PRR14L: variants seen among roughly 807,000 people sequenced by gnomAD.
The protein encoded by PRR14L is protein PRR14L.
Under a neutral mutation model 155.0 loss-of-function variants are expected in PRR14L, and 80 were observed. The ratio of observed to expected loss-of-function variants is 0.52; its 90% CI spans 0.43 to 0.62. The LOEUF is 0.62. PRR14L is among the 20% of genes least tolerant of loss of function. The probability of loss-of-function intolerance (pLI) is 0.00; values close to 1 mark genes in which losing one functional copy is unlikely to be tolerated. For missense variants in PRR14L, 2,469 were observed against 2,548.0 expected, an observed-to-expected ratio of 0.97 and a Z score of 0.67; for synonymous variants, 883 against 916.0, an observed-to-expected ratio of 0.96 and a Z score of 0.65.
At position 31,727,933 on chromosome 22, in the gene PRR14L, C is replaced by T. The variant is rs186932017; in HGVS notation, c.475-2323G>A. 8.0e-3 allele frequency among the ~76,000 whole-genome samples: 1,202 copies of T among 150,882 alleles called. 12 individuals are homozygous for T. The highest frequency in any genetic ancestry group is 0.013 in the Non-Finnish European group (884 of 67,732). ...GGAGGAGGCTGCAGTGAGCCAAGAT[C>T]ATGCCACTGCACTCCAGCCTGGGCA... On this transcript the variant is annotated intron_variant, in intron 2 of 8. Coordinates refer to ENST00000327423, the MANE Select transcript of PRR14L (RefSeq NM_173566.3).
rs1268264171 is a variant in PRR14L, at chr22:31,712,658, G to C, written c.5181C>G (p.Ser1727Arg). ...FPVSFHVKSSSSDCTTESSRT... is the reference protein window; with the variant it reads ...FPVSFHVKSSRSDCTTESSRT... ...TTGAGGACTCAGTCGTGCAATCTGA[G>C]CTGGATGATTTCACATGAAAGGATA... The change falls in exon 4 of 9, where the codon AGC becomes AGG. Residue 1727 changes from serine (S) to arginine (R), a missense_variant. Ser to Arg is a moderately radical substitution (Grantham distance 110). This residue lies in a region of PRR14L where 2,363 missense variants were observed against 2,371.6 expected (regional missense o/e 1.00). Transcript: ENST00000327423. 2 of 1,551,640 alleles carry C rather than the reference G, an allele frequency of 1.3e-6. No individual in the cohort carries two copies. Among genetic ancestry groups the C allele is most frequent in the East Asian group, 2.4e-5 (1 of 40,936 alleles).
At chr22:31,697,285 C>T (rs2074539797) in intron 7 of PRR14L, among the ~76,000 whole-genome samples, 1 of 118,540 alleles carries the variant, frequency 8.4e-6, no homozygotes, top group Non-Finnish European at 1.6e-5. Context: ...CTGGGTGGCA[C>T]AGTGATACTC....
intron 3 of PRR14L, among the ~76,000 whole-genome samples, chr22:31,722,567 G>C (rs2074696884): frequency 6.8e-6 from 1 of 147,936 alleles, no homozygotes. Context: ...CTGCTGCCCA[G>C]GCTGGAGTGC....
Position 31,716,835 on chromosome 22 carries a change from G to A in PRR14L, c.1004C>T (p.Pro335Leu). The A allele has an allele frequency of 6.4e-7, 1 of 1,551,954 alleles. No individual in the cohort carries two copies. The highest frequency in any genetic ancestry group is 8.7e-7 in the Non-Finnish European group (1 of 1,147,040). ...TGAAACTTCAGAATTTTCTTTCAAA[G>A]GGCTTGTGGCTGTGGGACTATCATG... ...STHDSPTATS[P>L]LKENSEVSCF... The change falls in exon 4 of 9, where the codon CCT (proline) becomes CTT (leucine). Residue 335 changes from proline (P) to leucine (L), a missense_variant. By Grantham distance (98) the Pro-to-Leu change is moderately conservative. Around this residue, in one of 2 missense-constraint regions of PRR14L, gnomAD observed 2,363 missense variants for 2,371.6 expected, o/e 1.00. Transcript: ENST00000327423.
intron 2 of PRR14L, 61 bp from the exon 3 acceptor site, chr22:31,725,671 A>T: frequency 1.1e-6 from 1 of 951,792 alleles, no homozygotes; most frequent in Non-Finnish European, 1.6e-6. Flanking sequence ...AATGAATATT[A>T]TTATTATTAT....
At chr22:31,749,915 C>G (rs1291158723) in intron 1 of PRR14L, 78 bp downstream of exon 1, 1 of 152,756 alleles carries the variant, frequency 6.5e-6, no homozygotes, top group Non-Finnish European at 1.5e-5. Context: ...TTTAGCAGCA[C>G]CACCCGGCGG....
Position 31,712,961 on chromosome 22 carries a change from C to G in PRR14L, c.4878G>C (p.Leu1626=), listed in dbSNP as rs1411982332. ...LNKLSILASK[L]APAMKTQKLR... ...GCTTCTGAGTCTTCATGGCTGGGGC[C>G]AGTTTGGAGGCAAGGATGGACAGCT... The change falls in exon 4 of 9, where the codon CTG becomes CTC. Residue 1626 remains leucine, a synonymous_variant. Transcript: ENST00000327423. The G allele has an allele frequency of 2.6e-6, 4 of 1,551,632 alleles. No homozygotes were observed. The African/African-American group carries it at 5.5e-5, about 21-fold the overall frequency.
Position 31,685,472 on chromosome 22 carries a change from A to G in PRR14L, c.*55T>C. Reference sequence around the variant, plus strand: ...GTCCAAAAAAAAAAAAAAAACCCAAAAACAAAACAAAACAAAAAAACCCTA... The same window carrying G: ...GTCCAAAAAAAAAAAAAAAACCCAAGAACAAAACAAAACAAAAAAACCCTA... On this transcript the variant is annotated 3_prime_UTR_variant, in exon 9 of 9. Coordinates refer to ENST00000327423, the MANE Select transcript of PRR14L (RefSeq NM_173566.3). 1.4e-6 allele frequency: 2 copies of G among 1,452,282 alleles called. No individual in the cohort carries two copies. Among genetic ancestry groups the G allele is most frequent in the Non-Finnish European group, 1.8e-6 (2 of 1,092,842 alleles). The allele number at this position is 1,452,282 out of a possible 1,614,324, so 90.0% of individuals were successfully genotyped here.
At chr22:31,746,273 T>G (rs1214612234) in intron 1 of PRR14L, among the ~76,000 whole-genome samples, 1 of 152,206 alleles carries the variant, frequency 6.6e-6, no homozygotes, top group Non-Finnish European at 1.5e-5. Flanking sequence ...TGTCTAACCA[T>G]TATTTCTCAA....
Position 31,688,901 on chromosome 22 carries a change from T to TACACACACACGC in PRR14L, c.6108-675_6108-674insGCGTGTGTGTGT, listed in dbSNP as rs1556449236. 4.1e-5 allele frequency among the ~76,000 whole-genome samples: 6 copies of TACACACACACGC among 147,768 alleles called. No homozygotes were observed. The Admixed American group carries it at 4.1e-4, about 10-fold the overall frequency. ...CCCTGTCTCTTAAAAAATATATACA[T>TACACACACACGC]ACACACACACACACACACACACACA... On this transcript the variant is annotated intron_variant, in intron 7 of 8. Transcript: ENST00000327423.
At chr22:31,737,939 C>CA (rs1458560775) in intron 2 of PRR14L, among the ~76,000 whole-genome samples, 2 of 151,614 alleles carry the variant, frequency 1.3e-5, no homozygotes, top group African/African-American at 2.4e-5. Context: ...CACTTGAACC[C>CA]AGAAGGCAGA....
chr22:31,701,783 G>C (rs2074564462), intron 6 of PRR14L, 21 bp from the exon 7 acceptor site: 1 of 1,560,142 alleles, frequency 6.4e-7, no homozygotes, highest in Non-Finnish European at 8.8e-7. Context: ...GGATTAAGAA[G>C]AAAGATGGTC....
At chr22:31,685,922 A>G in intron 8 of PRR14L, 119 bp from the exon 9 acceptor site, 1 of 854,114 alleles carries the variant, frequency 1.2e-6, no homozygotes, top group Non-Finnish European at 1.8e-6. Context: ...ACTGAAAGCT[A>G]CTTGCGCCAA....
At chr22:31,748,205 G>A (rs907241957) in intron 1 of PRR14L, among the ~76,000 whole-genome samples, 4 of 152,200 alleles carry the variant, frequency 2.6e-5, no homozygotes, top group Non-Finnish European at 4.4e-5. Context: ...TTCAGACATT[G>A]TAGCCATTCC....
At chr22:31,735,539 T>C (rs985862477) in intron 2 of PRR14L, among the ~76,000 whole-genome samples, 1 of 151,854 alleles carries the variant, frequency 6.6e-6, no homozygotes, top group East Asian at 1.9e-4. Flanking sequence ...AACACATATA[T>C]ACATGTGTGT....
At position 31,745,937 on chromosome 22, in the gene PRR14L, T is replaced by C. The variant is rs1299689372; in HGVS notation, c.-52+4056A>G. On this transcript the variant is annotated intron_variant, in intron 1 of 8. Coordinates refer to ENST00000327423, the MANE Select transcript of PRR14L (RefSeq NM_173566.3). ...GATCACCAATGACTTATCTGTATGT[T>C]GAACTTTTTTTTTTGGAGATAGGGT... Among the ~76,000 whole-genome samples the C allele has an allele frequency of 2.6e-5, 4 of 151,526 alleles. No homozygotes were observed. In the East Asian group the frequency reaches 7.7e-4, roughly 29 times the overall value.
chr22:31,682,602 C>CA lies in PRR14L; in HGVS notation c.*2924dup, dbSNP rs1239850113. On this transcript the variant is annotated 3_prime_UTR_variant, in exon 9 of 9. Coordinates refer to ENST00000327423, the MANE Select transcript of PRR14L (RefSeq NM_173566.3). Reference sequence around the variant, plus strand: ...AGAAACTGAAAGATGGAAAAAAAAACAAAAAACAAAACACAGTTGAAAGTT... The same window carrying CA: ...AGAAACTGAAAGATGGAAAAAAAAACAAAAAAACAAAACACAGTTGAAAGTT... 2.0e-5 allele frequency: 3 copies of CA among 151,748 alleles called. No homozygotes were observed. Among genetic ancestry groups the CA allele is most frequent in the Non-Finnish European group, 4.4e-5 (3 of 67,916 alleles). The allele number at this position is 151,748 out of a possible 1,614,324, so 9.4% of individuals were successfully genotyped here. A position where few individuals can be genotyped will look rare whatever the true frequency, so the allele number is the denominator to read the frequency against.
rs73162123 is a variant in PRR14L, at chr22:31,685,057, T to C, written c.*470A>G. On this transcript the variant is annotated 3_prime_UTR_variant, in exon 9 of 9. Transcript: ENST00000327423. ...GCTCATCTTTCCTCAACTACTGAAA[T>C]GAGCCAGTGAGACCACACAGGACAG... 1,130 of 160,378 alleles carry C rather than the reference T, an allele frequency of 7.0e-3. 7 individuals are homozygous for C. The highest frequency in any genetic ancestry group is 0.012 in the Non-Finnish European group (894 of 72,616). The allele number at this position is 160,378 out of a possible 1,614,324, so 9.9% of individuals were successfully genotyped here. A position where few individuals can be genotyped will look rare whatever the true frequency, so the allele number is the denominator to read the frequency against.
rs1167287956 is a variant in PRR14L at position 31,714,445 on chromosome 22, A to G, written c.3394T>C (p.Cys1132Arg). 2.0e-5 allele frequency: 31 copies of G among 1,551,658 alleles called. No homozygotes were observed. The highest frequency in any genetic ancestry group is 2.7e-5 in the Non-Finnish European group (31 of 1,146,968). Reference sequence around the variant, plus strand: ...AAAGATCTGCATACGTTTTCTTCACATGATTTTTTTATTTTGAGAAAGTCC... The same window carrying G: ...AAAGATCTGCATACGTTTTCTTCACGTGATTTTTTTATTTTGAGAAAGTCC... Reference protein sequence around the residue: ...TVDFLKIKKSCEENVCRSLKD... With the variant: ...TVDFLKIKKSREENVCRSLKD... Residue 1132 changes from cysteine to arginine, a missense_variant, in exon 4 of 9, where the codon TGT (cysteine) becomes CGT (arginine). Cys to Arg is a radical substitution (Grantham distance 180). Coordinates refer to ENST00000327423, the MANE Select transcript of PRR14L (RefSeq NM_173566.3).
Sources: allele counts gnomAD v4.1 joint callset (sites outside exome capture counted in the v4.1 genomes callset), GRCh38; gene constraint gnomAD v4.1.1; regional missense constraint gnomAD v4.1.1; transcripts MANE v1.5; gene names NCBI Gene and HGNC (gene_info 2026-07-23, HGNC 2026-07-21).